Variants in WDR17 observed in about 807,000 individuals in gnomAD.
The protein encoded by WDR17 is WD repeat domain 17.
In WDR17, 143 loss-of-function variants were observed where a neutral mutation model predicts 161.7. That is an observed-to-expected ratio of 0.88 (90% confidence interval 0.77 to 1.02). The LOEUF (loss-of-function observed/expected upper bound fraction) is 1.02. WDR17 is among the 50% of genes least tolerant of loss of function. The pLI, the probability that WDR17 is intolerant of heterozygous loss-of-function variation, is 0.00. For synonymous variants in WDR17, 517 were observed against 515.6 expected, an observed-to-expected ratio of 1.00 and a Z score of -0.04; for missense variants, 1,469 against 1,520.9, an observed-to-expected ratio of 0.97 and a Z score of 0.57.
At chr4:176,120,319 T>TATATATATATATATATATATATAA (rs1491272016) in intron 4 of WDR17, among the ~76,000 whole-genome samples, 11 of 138,790 alleles carry the variant, frequency 7.9e-5, no homozygotes, top group African/African-American at 2.9e-4. Flanking sequence ...TATATATATA[T>TATATATATATATATATATATATAA]AATACATTCA....
rs1219401869 is a variant in WDR17 at position 176,076,214 on chromosome 4, A to AATATATAT, written c.-7+10169_-7+10176dup. ...TAGTTAACTGTATGTTTACATATAT[A>AATATATAT]ATATATATATATATATATATATATA... On this transcript the variant is annotated intron_variant, in intron 1 of 28. Coordinates refer to ENST00000508596, the MANE Select transcript of WDR17 (RefSeq NM_181265.4). Among the ~76,000 whole-genome samples, 451 of 61,848 alleles carry AATATATAT rather than the reference A, an allele frequency of 7.3e-3. 1 individual carries two copies. Among genetic ancestry groups the AATATATAT allele is most frequent in the Non-Finnish European group, 9.0e-3 (249 of 27,542 alleles). 40.6% of individuals were successfully genotyped at this position (61,848 alleles called of 152,430 possible).
chr4:176,123,677 C>T (rs902303767), intron 4 of WDR17, among the ~76,000 whole-genome samples: 2 of 152,234 alleles, frequency 1.3e-5, no homozygotes, highest in African/African-American at 4.8e-5. Context: ...TGTCTCCAGG[C>T]ATGCCGCCCT....
intron 1 of WDR17, among the ~76,000 whole-genome samples, chr4:176,084,931 C>A (rs1735240502): frequency 6.6e-6 from 1 of 151,458 alleles, no homozygotes; most frequent in Admixed American, 6.6e-5. Flanking sequence ...GAGATCTATC[C>A]TGGACTCATG....
intron 4 of WDR17, among the ~76,000 whole-genome samples, chr4:176,121,830 A>G (rs1250707437): frequency 6.6e-6 from 1 of 152,206 alleles, no homozygotes; most frequent in African/African-American, 2.4e-5. Context: ...TCTTAGGTTT[A>G]GAGGATAGAA....
At position 176,119,922 on chromosome 4, in the gene WDR17, T is replaced by A; in HGVS notation, c.363T>A (p.Val121=). Residue 121 remains valine (V), a synonymous_variant, in exon 4 of 29, where the codon GTT becomes GTA. Transcript: ENST00000508596. ...CWNAEDVVAF[V]SHRGPLFIWT... is the part of the protein sequence containing the mutation. ...ATGCAGAGGATGTGGTGGCATTTGT[T>A]TCCCACAGAGGCCCACTGTTCATTT... The A allele has an allele frequency of 1.2e-6, 2 of 1,614,090 alleles. No homozygotes were observed. The highest frequency in any genetic ancestry group is 1.7e-6 in the Non-Finnish European group (2 of 1,179,990).
At chr4:176,075,848 G>A (rs1733898413) in intron 1 of WDR17, among the ~76,000 whole-genome samples, 1 of 151,904 alleles carries the variant, frequency 6.6e-6, no homozygotes, top group Admixed American at 6.6e-5. Context: ...GAGTGTTAGT[G>A]TGTGCTGTAG....
chr4:176,152,512 A>G (rs1290301616), intron 17 of WDR17, among the ~76,000 whole-genome samples: 1 of 138,278 alleles, frequency 7.2e-6, no homozygotes, highest in African/African-American at 2.7e-5. Flanking sequence ...AGGCTGAGGC[A>G]GGGGAATTGC....
chr4:176,146,406 G>A (rs1055183261), intron 12 of WDR17, among the ~76,000 whole-genome samples: 5 of 152,068 alleles, frequency 3.3e-5, no homozygotes, highest in East Asian at 1.9e-4. Context: ...AAGCATTTTC[G>A]TTGAATTTTT....
chr4:176,172,310 C>T (rs1354702565), intron 23 of WDR17, 65 bp from the exon 24 acceptor site: 3 of 1,457,882 alleles, frequency 2.1e-6, no homozygotes, highest in Non-Finnish European at 1.9e-6. Flanking sequence ...GTATTTTGTA[C>T]TTACACTATT....
At chr4:176,086,677 A>G (rs897284399) in intron 1 of WDR17, among the ~76,000 whole-genome samples, 1 of 151,806 alleles carries the variant, frequency 6.6e-6, no homozygotes, top group Non-Finnish European at 1.5e-5. Context: ...CTATTCTGTA[A>G]CCTTTTATTA....
At chr4:176,079,769 G>T (rs1281869913) in intron 1 of WDR17, among the ~76,000 whole-genome samples, 1 of 152,074 alleles carries the variant, frequency 6.6e-6, no homozygotes, top group Non-Finnish European at 1.5e-5. Flanking sequence ...GGCCACATCT[G>T]GTAAAAGCCT....
At chr4:176,158,547 T>A (rs1748515582) in intron 18 of WDR17, among the ~76,000 whole-genome samples, 2 of 152,226 alleles carry the variant, frequency 1.3e-5, no homozygotes, top group South Asian at 2.1e-4. Context: ...CATGTTGAGC[T>A]TGAAGTTCCT....
At chr4:176,146,294 C>A in intron 12 of WDR17, 135 bp downstream of exon 12, 3 of 898,820 alleles carry the variant, frequency 3.3e-6, no homozygotes, top group Non-Finnish European at 4.6e-6. Flanking sequence ...AATGCAGTGG[C>A]GTGATCGTGG....
At chr4:176,095,206 G>T (rs956361058) in intron 1 of WDR17, among the ~76,000 whole-genome samples, 5 of 152,158 alleles carry the variant, frequency 3.3e-5, no homozygotes, top group African/African-American at 9.7e-5. Context: ...AAATCCAGAG[G>T]ATAGGATAAG....
intron 22 of WDR17, among the ~76,000 whole-genome samples, chr4:176,165,168 C>T (rs868197419): frequency 2.6e-5 from 3 of 116,724 alleles, no homozygotes; most frequent in Admixed American, 2.5e-4. Context: ...CTCTAAAATA[C>T]AAAAAAAAAA....
intron 1 of WDR17, among the ~76,000 whole-genome samples, chr4:176,106,593 G>A (rs371907516): frequency 6.6e-6 from 1 of 152,112 alleles, no homozygotes; most frequent in East Asian, 1.9e-4. Flanking sequence ...GATAACAAAG[G>A]CACAGGCATC....
At chr4:176,078,320 A>G (rs1734315682) in intron 1 of WDR17, among the ~76,000 whole-genome samples, 1 of 152,150 alleles carries the variant, frequency 6.6e-6, no homozygotes, top group Non-Finnish European at 1.5e-5. Context: ...AATGATGAGT[A>G]TAAACTGGAA....
chr4:176,170,193 C>A (rs1015397974), intron 23 of WDR17, among the ~76,000 whole-genome samples: 2 of 151,846 alleles, frequency 1.3e-5, no homozygotes, highest in Non-Finnish European at 2.9e-5. Flanking sequence ...TTATTTATAT[C>A]ATTTAGGACA....
chr4:176,146,079 T>A lies in WDR17; in HGVS notation c.1614T>A (p.Phe538Leu), dbSNP rs980982069. The A allele has an allele frequency of 6.2e-6, 10 of 1,613,950 alleles. No individual in the cohort carries two copies. The highest frequency in any genetic ancestry group is 2.7e-5 in the African/African-American group (2 of 74,930). The stretch of plus-strand genomic sequence containing the variant: ...GCTCAGATCAACCATTGAAAGTATT[T>A]AGTGGGCATACAGCAAAAGTGTTTC... Reference protein sequence around the residue: ...ATSSDQPLKVFSGHTAKVFHV... With the variant: ...ATSSDQPLKVLSGHTAKVFHV... The change falls in exon 12 of 29, where the codon TTT becomes TTA. Residue 538 changes from phenylalanine to leucine, a missense_variant. Transcript: ENST00000508596.
Sources: allele counts gnomAD v4.1 joint callset (sites outside exome capture counted in the v4.1 genomes callset), GRCh38; gene constraint gnomAD v4.1.1; transcripts MANE v1.5; gene names NCBI Gene and HGNC (gene_info 2026-07-23, HGNC 2026-07-21).